Variants in FBN1 observed in about 807,000 individuals in gnomAD.
FBN1 encodes the protein fibrillin 1, also known as fibrillin-1.
In FBN1, 29 loss-of-function variants were observed where a neutral mutation model predicts 365.1. The observed-to-expected ratio is 0.08, with a 90% CI of 0.06 to 0.11. The LOEUF (loss-of-function observed/expected upper bound fraction) is 0.11, where lower values mean the gene tolerates loss of function less well. Ranked by LOEUF, FBN1 falls within the 10% of genes least tolerant of loss-of-function variation. The pLI, the probability that FBN1 is intolerant of heterozygous loss-of-function variation, is 1.00. For missense variants in FBN1, 2,476 were observed against 3,703.2 expected (o/e 0.67, Z 8.60); for synonymous variants, 1,210 against 1,270.5 (o/e 0.95, Z 1.01).
intron 4 of FBN1, among the ~76,000 whole-genome samples, chr15:48,603,375 T>C (rs2044581705): frequency 6.6e-6 from 1 of 152,196 alleles, no homozygotes; most frequent in Admixed American, 6.5e-5. Flanking sequence ...GGAAACTGTA[T>C]TCGTTGTGAG....
intron 63 of FBN1, among the ~76,000 whole-genome samples, chr15:48,419,759 T>C (rs2042926170): frequency 1.3e-5 from 2 of 152,188 alleles, no homozygotes; most frequent in African/African-American, 4.8e-5. Flanking sequence ...GAAGCAGTAA[T>C]TCTTTGAGTT....
Position 48,521,457 on chromosome 15 carries a change from T to C in FBN1, c.989-640A>G, listed in dbSNP as rs28440835. Among the ~76,000 whole-genome samples, 1,050 of 152,336 alleles carry C rather than the reference T, an allele frequency of 6.9e-3. 18 individuals carry two copies. Among genetic ancestry groups the C allele is most frequent in the African/African-American group, 0.024 (1,002 of 41,580 alleles). ...GTTATTTATAACTTCAAAATGGCCC[T>C]TGATTCCAAGTTCTTAGTCCTATAG... is the stretch of plus-strand genomic sequence containing the variant. On this transcript the variant is annotated intron_variant, in intron 9 of 65. Coordinates refer to ENST00000316623, the MANE Select transcript of FBN1 (RefSeq NM_000138.5).
Position 48,467,928 on chromosome 15 carries a change from G to T in FBN1, c.4747+10C>A. 6.2e-7 allele frequency: 1 copy of T among 1,610,050 alleles called. No homozygotes were observed. The highest frequency in any genetic ancestry group is 8.5e-7 in the Non-Finnish European group (1 of 1,176,418). Reference sequence around the variant, plus strand: ...TTGAAATAATAATAAATAGGAGGATGTCCACTTACATGTGTTCACAGCAGG... The same window carrying T: ...TTGAAATAATAATAAATAGGAGGATTTCCACTTACATGTGTTCACAGCAGG... On this transcript the variant is annotated intron_variant, in intron 38 of 65. Coordinates refer to ENST00000316623, the MANE Select transcript of FBN1 (RefSeq NM_000138.5).
chr15:48,534,919 C>A (rs2044002320), intron 7 of FBN1, among the ~76,000 whole-genome samples: 1 of 152,184 alleles, frequency 6.6e-6, no homozygotes. Flanking sequence ...TCATGTCTTT[C>A]CCCAGCTCAA....
chr15:48,552,640 A>C (rs2044152597), intron 6 of FBN1, among the ~76,000 whole-genome samples: 2 of 152,144 alleles, frequency 1.3e-5, no homozygotes, highest in African/African-American at 2.4e-5. Context: ...TGACATAAGA[A>C]AAATTAACCC....
Position 48,481,765 on chromosome 15 carries a change from T to A in FBN1, c.3854A>T (p.Asp1285Val). 1 of 1,613,516 alleles carries A rather than the reference T, an allele frequency of 6.2e-7. No homozygotes were observed. Residue 1285 changes from aspartate (D) to valine (V), a missense_variant, in exon 32 of 66, where the codon GAC (aspartate) becomes GTC (valine). Around this residue, in one of 5 missense-constraint regions of FBN1, gnomAD observed 1,780 missense variants for 2,840.8 expected, o/e 0.63. Coordinates refer to ENST00000316623, the MANE Select transcript of FBN1 (RefSeq NM_000138.5). ...MKTCVDVNECDLNPNICLSGT... is the reference protein window; with the variant it reads ...MKTCVDVNECVLNPNICLSGT... ...ACTTAGGCAGATATTTGGATTCAGG[T>A]CACACTCATTGACATCTGTAAAACA...
chr15:48,563,178 A>C (rs1443669350), intron 6 of FBN1, among the ~76,000 whole-genome samples: 1 of 152,190 alleles, frequency 6.6e-6, no homozygotes, highest in African/African-American at 2.4e-5. Flanking sequence ...TCTGCCAGAC[A>C]CTATTCTAGG....
At chr15:48,506,095 C>T (rs1298292176) in intron 15 of FBN1, among the ~76,000 whole-genome samples, 1 of 152,034 alleles carries the variant, frequency 6.6e-6, no homozygotes, top group Non-Finnish European at 1.5e-5. Context: ...TGATGGCATG[C>T]GGCTATAATC....
Position 48,521,484 on chromosome 15 carries a change from A to G in FBN1, c.989-667T>C, listed in dbSNP as rs28716947. 6.9e-3 allele frequency among the ~76,000 whole-genome samples: 1,052 copies of G among 152,330 alleles called. 18 individuals carry two copies. Among genetic ancestry groups the G allele is most frequent in the African/African-American group, 0.024 (1,004 of 41,568 alleles). On this transcript the variant is annotated intron_variant, in intron 9 of 65. Coordinates refer to ENST00000316623, the MANE Select transcript of FBN1 (RefSeq NM_000138.5). ...GATTCCAAGTTCTTAGTCCTATAGG[A>G]TACAATAGCTCTAGAAGGATTTTGT...
At chr15:48,580,364 T>C (rs2044382584) in intron 6 of FBN1, among the ~76,000 whole-genome samples, 1 of 152,160 alleles carries the variant, frequency 6.6e-6, no homozygotes, top group South Asian at 2.1e-4. Flanking sequence ...AATCGATCAA[T>C]CAGTCTCTTT....
chr15:48,419,996 T>C (rs996516209), intron 63 of FBN1, among the ~76,000 whole-genome samples: 2 of 152,246 alleles, frequency 1.3e-5, no homozygotes, highest in African/African-American at 2.4e-5. Context: ...TCTGGACTTC[T>C]AGGTCCTTAT....
chr15:48,644,805 C>T lies in FBN1; in HGVS notation c.-36G>A, dbSNP rs543570298. 3.0e-5 allele frequency: 48 copies of T among 1,594,760 alleles called. No individual in the cohort carries two copies. In the African/African-American group the frequency reaches 6.0e-4, roughly 20 times the overall value. On this transcript the variant is annotated 5_prime_UTR_variant, in exon 2 of 66. Transcript: ENST00000316623. ...CGCCACCGGCTCCCGCCGCCTCTTG[C>T]CGCGCCCGGGGCTCGGTCTGCGGCC...
intron 53 of FBN1, 146 bp from the exon 54 acceptor site, chr15:48,434,859 G>C: frequency 1.1e-6 from 1 of 933,092 alleles, no homozygotes; most frequent in Non-Finnish European, 1.7e-6. Flanking sequence ...GTGCTGTGGC[G>C]CGATTTCAGC....
At chr15:48,457,325 A>G (rs1355446574) in intron 43 of FBN1, among the ~76,000 whole-genome samples, 2 of 152,244 alleles carry the variant, frequency 1.3e-5, no homozygotes, top group African/African-American at 4.8e-5. Flanking sequence ...CTGTCGCAGT[A>G]GAATGTGTGC....
chr15:48,512,621 C>T lies in FBN1; in HGVS notation c.1588+928G>A, dbSNP rs6493326. On this transcript the variant is annotated intron_variant, in intron 13 of 65. Coordinates refer to ENST00000316623, the MANE Select transcript of FBN1 (RefSeq NM_000138.5). ...TTAGTTTACTAATTATAATGACCTC[C>T]GGCTCCATCCATGTCCCTGCAACGG... 0.015 allele frequency among the ~76,000 whole-genome samples: 2,313 copies of T among 152,254 alleles called. 208 individuals carry two copies. In the East Asian group the frequency reaches 0.24, roughly 16 times the overall value.
chr15:48,503,802 G>A lies in FBN1; in HGVS notation c.2098C>T (p.Pro700Ser), dbSNP rs745694291. The A allele has an allele frequency of 3.1e-6, 5 of 1,613,788 alleles. No homozygotes were observed. The highest frequency in any genetic ancestry group is 4.2e-6 in the Non-Finnish European group (5 of 1,179,952). ...TACCACATACCTGAATTCTGTGCAGGACACGGCTGGCAAGGTTCCCCAAAT... is the reference window on the plus strand; with the variant it reads ...TACCACATACCTGAATTCTGTGCAGAACACGGCTGGCAAGGTTCCCCAAAT... ...YAFGEPCQPC[P>S]AQNSAEYQAL... Residue 700 changes from proline to serine, a missense_variant, in exon 17 of 66, where the codon CCT becomes TCT. Coordinates refer to ENST00000316623, the MANE Select transcript of FBN1 (RefSeq NM_000138.5).
intron 6 of FBN1, among the ~76,000 whole-genome samples, chr15:48,548,962 A>G (rs918123112): frequency 6.6e-6 from 1 of 152,270 alleles, no homozygotes; most frequent in African/African-American, 2.4e-5. Context: ...AAAGTGTTAT[A>G]ATTTAAAATA....
chr15:48,454,296 G>A (rs2043223138), intron 44 of FBN1, among the ~76,000 whole-genome samples: 1 of 152,082 alleles, frequency 6.6e-6, no homozygotes, highest in Non-Finnish European at 1.5e-5. Context: ...ACTACCACAA[G>A]GCAATCAAAT....
rs1305484477 is a variant in FBN1 at position 48,580,826 on chromosome 15, TCTATC to T, written c.538+15452_538+15456del. ...GCCACAGATTAGCTACAGTTACTAT[TCTATC>T]CTAAAGAGATAAACGAAAGCCAATT... On this transcript the variant is annotated intron_variant, in intron 6 of 65. Coordinates refer to ENST00000316623, the MANE Select transcript of FBN1 (RefSeq NM_000138.5). Among the ~76,000 whole-genome samples the T allele has an allele frequency of 6.6e-5, 10 of 152,326 alleles. No homozygotes were observed. The East Asian group carries it at 1.9e-3, about 29-fold the overall frequency.
Sources: allele counts gnomAD v4.1 joint callset (sites outside exome capture counted in the v4.1 genomes callset), GRCh38; gene constraint gnomAD v4.1.1; regional missense constraint gnomAD v4.1.1; transcripts MANE v1.5; gene names NCBI Gene and HGNC (gene_info 2026-07-23, HGNC 2026-07-21).